MYRIP: variants seen among roughly 807,000 people sequenced by gnomAD.
MYRIP encodes the protein myosin VIIA and Rab interacting protein.
In MYRIP, 49 loss-of-function variants were observed where a neutral mutation model predicts 98.0. The ratio of observed to expected loss-of-function variants is 0.50; its 90% CI spans 0.40 to 0.63. The LOEUF is 0.63. Among genes scored for constraint, MYRIP ranks in the 30% least tolerant of loss-of-function variants. The pLI is 0.00. For synonymous variants in MYRIP, 404 were observed against 409.5 expected, an observed-to-expected ratio of 0.99 and a Z score of 0.16; for missense variants, 1,004 against 1,058.2, an observed-to-expected ratio of 0.95 and a Z score of 0.71.
intron 11 of MYRIP, among the ~76,000 whole-genome samples, chr3:40,223,559 C>A (rs987829189): frequency 6.6e-6 from 1 of 152,166 alleles, no homozygotes; most frequent in Non-Finnish European, 1.5e-5. Flanking sequence ...TAAGAAAAGA[C>A]AGGTTCTTAA....
intron 3 of MYRIP, among the ~76,000 whole-genome samples, chr3:40,111,608 G>A (rs949555483): frequency 6.6e-6 from 1 of 152,164 alleles, no homozygotes; most frequent in Non-Finnish European, 1.5e-5. Context: ...CAGGGACTGT[G>A]GACAGTGCAG....
chr3:40,037,920 A>G (rs965642129), intron 2 of MYRIP, among the ~76,000 whole-genome samples: 10 of 152,070 alleles, frequency 6.6e-5, no homozygotes, highest in African/African-American at 2.4e-4. Context: ...TTTTTCCTGG[A>G]AGTGTCCTCA....
chr3:40,235,846 C>A (rs1189797611), intron 12 of MYRIP, among the ~76,000 whole-genome samples: 2 of 152,188 alleles, frequency 1.3e-5, no homozygotes, highest in African/African-American at 4.8e-5. Flanking sequence ...AAGGTACTCA[C>A]AATCCATTTC....
At chr3:40,084,111 T>C (rs1575524158) in intron 3 of MYRIP, among the ~76,000 whole-genome samples, 1 of 105,524 alleles carries the variant, frequency 9.5e-6, no homozygotes, top group Non-Finnish European at 1.7e-5. Flanking sequence ...CACTCCAACC[T>C]GGGCAACAGA....
chr3:39,879,207 C>G (rs1243845115), intron 1 of MYRIP, among the ~76,000 whole-genome samples: 2 of 151,370 alleles, frequency 1.3e-5, no homozygotes, highest in African/African-American at 4.9e-5. Context: ...CAGTTGTTAT[C>G]CTTTCTTATT....
In MYRIP at chr3:40,037,324, C is replaced by A. The variant is rs79102648; in HGVS notation, c.111-6726C>A. On this transcript the variant is annotated intron_variant, in intron 2 of 16. Coordinates refer to ENST00000302541, the MANE Select transcript of MYRIP (RefSeq NM_015460.4). ...GTAAAATTGAATGGAAGTAAAGGGACTTCCTTGTGAGCAAATTGCAAGGGA... is the reference window on the plus strand; with the variant it reads ...GTAAAATTGAATGGAAGTAAAGGGAATTCCTTGTGAGCAAATTGCAAGGGA... Among the ~76,000 whole-genome samples the A allele has an allele frequency of 9.3e-3, 1,413 of 152,150 alleles. 22 individuals carry two copies. The highest frequency in any genetic ancestry group is 0.031 in the African/African-American group (1,299 of 41,536).
chr3:39,852,807 A>T (rs1044851671), intron 1 of MYRIP, among the ~76,000 whole-genome samples: 8 of 151,738 alleles, frequency 5.3e-5, no homozygotes, highest in Non-Finnish European at 1.2e-4. Flanking sequence ...TTCTCGAGAT[A>T]GTCTCACTCT....
chr3:40,234,390 T>G (rs1235304019), intron 12 of MYRIP, among the ~76,000 whole-genome samples: 1 of 152,156 alleles, frequency 6.6e-6, no homozygotes, highest in African/African-American at 2.4e-5. Flanking sequence ...GGAGTAGAAG[T>G]TGCATCTCAG....
chr3:39,941,756 G>T (rs1030069231), intron 2 of MYRIP, among the ~76,000 whole-genome samples: 2 of 151,822 alleles, frequency 1.3e-5, no homozygotes, highest in Non-Finnish European at 2.9e-5. Flanking sequence ...GGATATTCGG[G>T]TTATGATTTT....
chr3:39,922,185 A>AATT (rs1944320196), intron 2 of MYRIP, among the ~76,000 whole-genome samples: 1 of 152,170 alleles, frequency 6.6e-6, no homozygotes, highest in African/African-American at 2.4e-5. Flanking sequence ...TGGCAATACC[A>AATT]GTTGTCACAG....
intron 1 of MYRIP, among the ~76,000 whole-genome samples, chr3:39,839,989 A>T (rs1323521185): frequency 6.6e-6 from 1 of 152,172 alleles, no homozygotes; most frequent in East Asian, 1.9e-4. Flanking sequence ...TATTAGGGCC[A>T]CTTGGTCCAG....
At chr3:39,923,635 G>A (rs187699449) in intron 2 of MYRIP, among the ~76,000 whole-genome samples, 3 of 152,204 alleles carry the variant, frequency 2.0e-5, no homozygotes, top group South Asian at 2.1e-4. Context: ...CTGTTACCAG[G>A]AGACCTTTGC....
At chr3:40,081,843 C>G (rs925816443) in intron 3 of MYRIP, among the ~76,000 whole-genome samples, 2 of 152,190 alleles carry the variant, frequency 1.3e-5, no homozygotes, top group Non-Finnish European at 2.9e-5. Context: ...CCCATCCCAG[C>G]CTCTGCTAAC....
chr3:39,857,251 G>GGAAGGAAGGAAGGAAGGAAGGAAGGA (rs1553639779), intron 1 of MYRIP, among the ~76,000 whole-genome samples: 2 of 46,258 alleles, frequency 4.3e-5, no homozygotes. Context: ...AGGAGGGAGG[G>GGAAGGAAGGAAGGAAGGAAGGAAGGA]AGGGAGGAAG....
chr3:40,202,411 G>C (rs1002690236), intron 10 of MYRIP, among the ~76,000 whole-genome samples: 11 of 152,040 alleles, frequency 7.2e-5, no homozygotes, highest in African/African-American at 2.2e-4. Context: ...TTTTAATTAC[G>C]GTAGGCTGGA....
At chr3:39,843,095 C>T (rs1941851513) in intron 1 of MYRIP, among the ~76,000 whole-genome samples, 1 of 152,216 alleles carries the variant, frequency 6.6e-6, no homozygotes, top group African/African-American at 2.4e-5. Flanking sequence ...GATGATTAAA[C>T]AATTTCCCTC....
chr3:39,814,552 T>C (rs774356320), intron 1 of MYRIP, among the ~76,000 whole-genome samples: 15 of 152,176 alleles, frequency 9.9e-5, no homozygotes, highest in Non-Finnish European at 2.2e-4. Context: ...ATTTAATGAA[T>C]AGTTTACTAT....
At position 40,244,529 on chromosome 3, in the gene MYRIP, C is replaced by T. The variant is rs756241051; in HGVS notation, c.2184C>T (p.Gly728=). 1 of 1,614,026 alleles carries T rather than the reference C, an allele frequency of 6.2e-7. No individual in the cohort carries two copies. The highest frequency in any genetic ancestry group is 1.1e-5 in the South Asian group (1 of 91,066). The change falls in exon 13 of 17, where the codon GGC becomes GGT. Residue 728 remains glycine (G), a synonymous_variant. Coordinates refer to ENST00000302541, the MANE Select transcript of MYRIP (RefSeq NM_015460.4). ...ATGCCGCCCGCTGCATCCACAGTGGCACTGATGAGACCCATCTGGCGGATC... is the reference window on the plus strand; with the variant it reads ...ATGCCGCCCGCTGCATCCACAGTGGTACTGATGAGACCCATCTGGCGGATC... ...LEDAARCIHS[G]TDETHLADLE... is the part of the protein sequence containing the mutation.
intron 2 of MYRIP, among the ~76,000 whole-genome samples, chr3:39,930,616 GA>G (rs1944515058): frequency 6.6e-6 from 1 of 151,938 alleles, no homozygotes; most frequent in Admixed American, 6.6e-5. Context: ...AGGTTGTAAA[GA>G]TTTACATCTA....
Sources: gnomAD v4.1 joint callset for allele counts (sites outside exome capture counted in the v4.1 genomes callset) on GRCh38, gnomAD v4.1.1 for gene constraint, MANE v1.5 for transcripts, NCBI Gene and HGNC (gene_info 2026-07-23, HGNC 2026-07-21) for gene names.